The following DPP10 variants were observed in gnomAD, a reference collection of about 807,000 sequenced individuals.
DPP10 encodes the protein inactive dipeptidyl peptidase 10.
A neutral mutation model predicts 120.9 loss-of-function variants in DPP10; 33 were observed. The observed-to-expected ratio is 0.27, with a 90% CI of 0.21 to 0.37. DPP10 has a LOEUF of 0.37. Among genes scored for constraint, DPP10 ranks in the 10% least tolerant of loss-of-function variants. The pLI is 1.00. For synonymous variants in DPP10, 337 were observed against 326.1 expected, an observed-to-expected ratio of 1.03 and a Z score of -0.36; for missense variants, 816 against 942.8, an observed-to-expected ratio of 0.87 and a Z score of 1.76.
intron 13 of DPP10, among the ~76,000 whole-genome samples, chr2:115,776,926 A>C (rs1682173959): frequency 6.6e-6 from 1 of 151,970 alleles, no homozygotes; most frequent in Non-Finnish European, 1.5e-5. Context: ...TTAAAGTCCT[A>C]CCTTGGAAGC....
At chr2:115,695,773 A>G (rs1290519329) in intron 7 of DPP10, among the ~76,000 whole-genome samples, 1 of 152,218 alleles carries the variant, frequency 6.6e-6, no homozygotes, top group Non-Finnish European at 1.5e-5. Flanking sequence ...AAAATTACAA[A>G]GAATACAAAG....
intron 1 of DPP10, among the ~76,000 whole-genome samples, chr2:115,183,792 A>C (rs2054242834): frequency 6.6e-6 from 1 of 152,208 alleles, no homozygotes; most frequent in Non-Finnish European, 1.5e-5. Flanking sequence ...GTTGATGCAC[A>C]GTAGAAGGAA....
rs146991512 is a variant in DPP10, at chr2:114,826,858, G to A, written c.60+384020G>A. On this transcript the variant is annotated intron_variant, in intron 1 of 25. Coordinates refer to ENST00000410059, the MANE Select transcript of DPP10 (RefSeq NM_020868.6). ...GACTATTTTTATTGCTAAGTCTGAT[G>A]AAAGAAATGGATAGTTGTAGAGAAA... Among the ~76,000 whole-genome samples the A allele has an allele frequency of 1.9e-3, 288 of 152,278 alleles. 1 individual carries two copies. Among genetic ancestry groups the A allele is most frequent in the African/African-American group, 6.7e-3 (280 of 41,578 alleles).
chr2:115,814,745 C>A (rs1391848351), intron 19 of DPP10, 48 bp from the exon 20 acceptor site: 10 of 1,409,148 alleles, frequency 7.1e-6, no homozygotes, highest in Non-Finnish European at 9.5e-6. Flanking sequence ...AAATTTCTAC[C>A]AGATTTTCAG....
chr2:115,499,634 C>T (rs757675936), intron 4 of DPP10, 30 bp downstream of exon 4: 1 of 1,514,136 alleles, frequency 6.6e-7, no homozygotes, highest in Non-Finnish European at 9.1e-7. Flanking sequence ...TTACTTTATG[C>T]ATTTCAGTAC....
intron 1 of DPP10, among the ~76,000 whole-genome samples, chr2:115,042,180 A>G (rs1704704383): frequency 6.6e-6 from 1 of 152,072 alleles, no homozygotes; most frequent in African/African-American, 2.4e-5. Flanking sequence ...AAAGATTGCT[A>G]TACATTTTAA....
intron 1 of DPP10, among the ~76,000 whole-genome samples, chr2:114,778,435 T>C (rs1383748617): frequency 1.3e-5 from 2 of 152,156 alleles, no homozygotes; most frequent in Non-Finnish European, 2.9e-5. Flanking sequence ...TATAATAGCT[T>C]CACATTTTAG....
At chr2:114,936,038 T>A (rs982057860) in intron 1 of DPP10, among the ~76,000 whole-genome samples, 2 of 152,092 alleles carry the variant, frequency 1.3e-5, no homozygotes, top group African/African-American at 4.8e-5. Context: ...AGTGTTTGGT[T>A]ACATGAATAA....
intron 5 of DPP10, among the ~76,000 whole-genome samples, chr2:115,636,805 G>T (rs370217827): frequency 6.8e-4 from 103 of 152,190 alleles, no homozygotes; most frequent in Non-Finnish European, 5.4e-4. Context: ...AATTATGGTG[G>T]ATAAATAACT....
At chr2:115,453,669 G>A (rs901207993) in intron 3 of DPP10, among the ~76,000 whole-genome samples, 1 of 151,536 alleles carries the variant, frequency 6.6e-6, no homozygotes, top group Non-Finnish European at 1.5e-5. Flanking sequence ...AGTTTTAAAT[G>A]TCTATTTTAG....
At chr2:115,582,984 G>T (rs1208505795) in intron 5 of DPP10, among the ~76,000 whole-genome samples, 1 of 152,054 alleles carries the variant, frequency 6.6e-6, no homozygotes, top group Non-Finnish European at 1.5e-5. Flanking sequence ...TTATCATCTT[G>T]CAACTTTGTG....
chr2:115,414,855 C>G (rs1334975887), intron 3 of DPP10, among the ~76,000 whole-genome samples: 1 of 152,086 alleles, frequency 6.6e-6, no homozygotes, highest in Non-Finnish European at 1.5e-5. Flanking sequence ...AGTCAAGTCT[C>G]AAGATGGTAT....
At chr2:115,821,469 A>T (rs1398508536) in intron 21 of DPP10, among the ~76,000 whole-genome samples, 1 of 151,888 alleles carries the variant, frequency 6.6e-6, no homozygotes, top group Admixed American at 6.6e-5. Flanking sequence ...GCACTTTCCG[A>T]TTGATTTAGG....
At chr2:115,056,700 A>G (rs1238439485) in intron 1 of DPP10, among the ~76,000 whole-genome samples, 1 of 152,154 alleles carries the variant, frequency 6.6e-6, no homozygotes, top group Non-Finnish European at 1.5e-5. Context: ...ACGTAAGTCC[A>G]ATGCTACACA....
In DPP10 at chr2:115,598,068, A is replaced by G. The variant is rs367546503; in HGVS notation, c.441+72096A>G. Reference sequence around the variant, plus strand: ...GAAGTCTATTTTATTTGATATTATTATTGCTACTTCAGCCTTCTGACACTT... The same window carrying G: ...GAAGTCTATTTTATTTGATATTATTGTTGCTACTTCAGCCTTCTGACACTT... On this transcript the variant is annotated intron_variant, in intron 5 of 25. Transcript: ENST00000410059. 3.3e-5 allele frequency among the ~76,000 whole-genome samples: 5 copies of G among 151,978 alleles called. No homozygotes were observed. In the South Asian group the frequency reaches 8.3e-4, roughly 25 times the overall value.
At chr2:114,548,715 G>A (rs781147330) in intron 1 of DPP10, among the ~76,000 whole-genome samples, 10 of 152,148 alleles carry the variant, frequency 6.6e-5, no homozygotes, top group African/African-American at 1.9e-4. Flanking sequence ...GTCTTTTAGC[G>A]CCGGGACCTG....
At chr2:115,638,627 T>A (rs934540057) in intron 5 of DPP10, among the ~76,000 whole-genome samples, 1 of 152,214 alleles carries the variant, frequency 6.6e-6, no homozygotes, top group African/African-American at 2.4e-5. Flanking sequence ...CACTGAAATA[T>A]CCTGGTAGGC....
chr2:115,374,723 C>G (rs1347753645), intron 3 of DPP10, among the ~76,000 whole-genome samples: 1 of 152,216 alleles, frequency 6.6e-6, no homozygotes, highest in Non-Finnish European at 1.5e-5. Context: ...TTCTGCACAC[C>G]TGCAGGCCCA....
At chr2:115,371,461 G>C (rs928943257) in intron 3 of DPP10, among the ~76,000 whole-genome samples, 1 of 152,092 alleles carries the variant, frequency 6.6e-6, no homozygotes, top group African/African-American at 2.4e-5. Context: ...GAAGATCATT[G>C]ACTTTGAAAC....
Sources: allele counts gnomAD v4.1 joint callset (sites outside exome capture counted in the v4.1 genomes callset), GRCh38; gene constraint gnomAD v4.1.1; transcripts MANE v1.5; gene names NCBI Gene and HGNC (gene_info 2026-07-23, HGNC 2026-07-21).